AQR: variants seen among roughly 807,000 people sequenced by gnomAD.
AQR encodes the protein RNA helicase aquarius.
In AQR, 61 loss-of-function variants were observed where a neutral mutation model predicts 180.5. The observed-to-expected ratio is 0.34, with a 90% CI of 0.28 to 0.42. The LOEUF (loss-of-function observed/expected upper bound fraction) is 0.42, where lower values mean the gene tolerates loss of function less well. Ranked by LOEUF, AQR falls within the 10% of genes least tolerant of loss-of-function variation. The probability of loss-of-function intolerance (pLI) is 1.00; values close to 1 mark genes in which losing one functional copy is unlikely to be tolerated. For missense variants in AQR, 1,281 were observed against 1,798.3 expected, an observed-to-expected ratio of 0.71 and a Z score of 5.20; for synonymous variants, 551 against 588.8, an observed-to-expected ratio of 0.94 and a Z score of 0.93.
intron 23 of AQR, among the ~76,000 whole-genome samples, chr15:34,891,386 T>C (rs1456436360): frequency 6.6e-6 from 1 of 152,196 alleles, no homozygotes; most frequent in Non-Finnish European, 1.5e-5. Flanking sequence ...CATGATTTCA[T>C]TGTGAATTAC....
At chr15:34,950,084 C>CTT (rs1174370425) in intron 4 of AQR, among the ~76,000 whole-genome samples, 821 of 74,110 alleles carry the variant, frequency 0.011, 13 homozygotes, top group African/African-American at 0.021. Flanking sequence ...TGCTATTTTC[C>CTT]TTTTTTTTTT....
At position 34,960,830 on chromosome 15, in the gene AQR, A is replaced by G; in HGVS notation, c.133-16T>C. ...CTTCAATAACCTGTTATAAAAATAT[A>G]AAAATGTTTAATATCTCAACAACTT... On this transcript the variant is annotated splice_polypyrimidine_tract_variant and intron_variant, in intron 2 of 34. Coordinates refer to ENST00000156471, the MANE Select transcript of AQR (RefSeq NM_014691.3). The G allele has an allele frequency of 7.2e-6, 6 of 833,310 alleles. No homozygotes were observed. Among genetic ancestry groups the G allele is most frequent in the Admixed American group, 3.0e-5 (1 of 33,434 alleles). 51.6% of individuals were successfully genotyped at this position (833,310 alleles called of 1,614,324 possible). A position where few individuals can be genotyped will look rare whatever the true frequency, so the allele number is the denominator to read the frequency against.
rs1893527745 is a variant in AQR at position 34,913,319 on chromosome 15, C to T, written c.1484+1719G>A. ...CCCTTAAGCACATCCTCTCTTACTG[C>T]TGGTTAGTGGGCTTCAGCACCCTGA... is the stretch of plus-strand genomic sequence containing the variant. On this transcript the variant is annotated intron_variant, in intron 16 of 34. Transcript: ENST00000156471. Among the ~76,000 whole-genome samples, 4 of 152,300 alleles carry T rather than the reference C, an allele frequency of 2.6e-5. No homozygotes were observed. The South Asian group carries it at 8.3e-4, about 32-fold the overall frequency.
rs1893665053 is a variant in AQR at position 34,920,367 on chromosome 15, T to C, written c.1186A>G (p.Thr396Ala). 6.2e-7 allele frequency: 1 copy of C among 1,613,302 alleles called. No homozygotes were observed. The highest frequency in any genetic ancestry group is 8.5e-7 in the Non-Finnish European group (1 of 1,179,574). ...LLPTLPKNED[T>A]TFDKEFLLEL... The stretch of plus-strand genomic sequence containing the variant: ...AGAAGAAATTCTTTATCAAAAGTTG[T>C]GTCTTCATTTTTAGGAAGAGTTGGC... Residue 396 changes from threonine to alanine, a missense_variant, in exon 14 of 35, where the codon ACA becomes GCA. Transcript: ENST00000156471.
chr15:34,896,506 C>A, intron 22 of AQR, among the ~76,000 whole-genome samples: 1 of 147,706 alleles, frequency 6.8e-6, no homozygotes, highest in African/African-American at 2.5e-5. Flanking sequence ...AGAACGCATT[C>A]TAAAATCTGT....
At position 34,967,155 on chromosome 15, in the gene AQR, T is replaced by A. The variant is rs2050313854; in HGVS notation, c.75+2384A>T. 4.6e-5 allele frequency among the ~76,000 whole-genome samples: 7 copies of A among 151,890 alleles called. No homozygotes were observed. In the South Asian group the frequency reaches 1.0e-3, roughly 23 times the overall value. ...CCTCCCAAAGTGCTGGGATTACAGG[T>A]GTAATCCCACTGCGAGCCACAAGCC... On this transcript the variant is annotated intron_variant, in intron 1 of 34. Transcript: ENST00000156471.
rs549280671 is a variant in AQR, at chr15:34,927,217, A to G, written c.1015-79T>C. 2.1e-5 allele frequency: 17 copies of G among 819,672 alleles called. No individual in the cohort carries two copies. The African/African-American group carries it at 3.1e-4, about 15-fold the overall frequency. The allele number at this position is 819,672 out of a possible 1,614,324, so 50.8% of individuals were successfully genotyped here. ...ACATCTACTATTTAAGAATGAAAATATTTTATAAAAATATTAACGCATTTC... is the reference window on the plus strand; with the variant it reads ...ACATCTACTATTTAAGAATGAAAATGTTTTATAAAAATATTAACGCATTTC... On this transcript the variant is annotated intron_variant, in intron 12 of 34. Coordinates refer to ENST00000156471, the MANE Select transcript of AQR (RefSeq NM_014691.3).
At chr15:34,930,670 C>G (rs1375892182) in intron 11 of AQR, among the ~76,000 whole-genome samples, 1 of 152,072 alleles carries the variant, frequency 6.6e-6, no homozygotes, top group Admixed American at 6.6e-5. Flanking sequence ...TCTAAAGAAG[C>G]CCAGCATTTT....
chr15:34,916,014 T>C (rs752216173), intron 15 of AQR, among the ~76,000 whole-genome samples: 8 of 152,086 alleles, frequency 5.3e-5, no homozygotes, highest in Non-Finnish European at 1.2e-4. Flanking sequence ...GTAATCTGCA[T>C]ATGAGTGATC....
intron 13 of AQR, among the ~76,000 whole-genome samples, chr15:34,925,443 A>T (rs936013740): frequency 1.3e-5 from 2 of 152,244 alleles, no homozygotes; most frequent in African/African-American, 4.8e-5. Context: ...CAAGTTTTAA[A>T]CGCATGCCCC....
chr15:34,876,037 A>G (rs768445009), intron 27 of AQR, 31 bp from the exon 28 acceptor site: 4 of 1,549,952 alleles, frequency 2.6e-6, no homozygotes, highest in Non-Finnish European at 3.6e-6. Context: ...TCATAAAGAC[A>G]GCTTAAAAGT....
At chr15:34,869,232 A>C (rs1892780758) in intron 31 of AQR, 1 of 152,142 alleles carries the variant, frequency 6.6e-6, no homozygotes, top group African/African-American at 2.4e-5. Flanking sequence ...ATATCATTGT[A>C]GCTTTAATTT....
intron 2 of AQR, among the ~76,000 whole-genome samples, chr15:34,961,527 T>C (rs1262261974): frequency 2.0e-5 from 3 of 150,642 alleles, no homozygotes; most frequent in Admixed American, 6.7e-5. Context: ...GGAGAATCAC[T>C]TGAACCCGGG....
At chr15:34,857,416 T>G (rs561943926) in intron 34 of AQR, among the ~76,000 whole-genome samples, 1 of 152,366 alleles carries the variant, frequency 6.6e-6, no homozygotes, top group East Asian at 1.9e-4. Flanking sequence ...TGATCAGGAC[T>G]GATTATAAAA....
At chr15:34,906,434 A>G (rs1893418476) in intron 18 of AQR, 111 bp downstream of exon 18, 4 of 1,301,518 alleles carry the variant, frequency 3.1e-6, no homozygotes, top group Non-Finnish European at 4.2e-6. Flanking sequence ...CTTTGTGTCA[A>G]TTTAGTAGGT....
intron 24 of AQR, 59 bp downstream of exon 24, chr15:34,890,156 G>C (rs1357055992): frequency 4.2e-5 from 59 of 1,413,130 alleles, no homozygotes; most frequent in Non-Finnish European, 1.3e-5. Flanking sequence ...TTTAATAAAA[G>C]AAATGAAAAG....
At chr15:34,921,211 G>A (rs1232303116) in intron 13 of AQR, among the ~76,000 whole-genome samples, 3 of 151,798 alleles carry the variant, frequency 2.0e-5, no homozygotes, top group Non-Finnish European at 2.9e-5. Flanking sequence ...CGAGGTGGGC[G>A]GATCACAAGG....
In AQR at chr15:34,948,414, C is replaced by T. The variant is rs755772443; in HGVS notation, c.210-30G>A. The T allele has an allele frequency of 2.5e-6, 4 of 1,603,530 alleles. No individual in the cohort carries two copies. In the East Asian group the frequency reaches 6.7e-5, roughly 27 times the overall value. On this transcript the variant is annotated intron_variant, in intron 4 of 34. Transcript: ENST00000156471. ...AAAGAGTAAAAAGCATAGAATACTT[C>T]ATTAGTTACCACCACTCACTGTAAT...
intron 16 of AQR, among the ~76,000 whole-genome samples, 191 bp downstream of exon 16, chr15:34,914,847 T>C (rs2140483136): frequency 6.6e-6 from 1 of 152,346 alleles, no homozygotes; most frequent in East Asian, 1.9e-4. Flanking sequence ...CCCAGATATG[T>C]GGTTTATATT....
Sources: allele counts gnomAD v4.1 joint callset (sites outside exome capture counted in the v4.1 genomes callset), GRCh38; gene constraint gnomAD v4.1.1; transcripts MANE v1.5; gene names NCBI Gene and HGNC (gene_info 2026-07-23, HGNC 2026-07-21).